GRIK2: variants seen among roughly 807,000 people sequenced by gnomAD.
The protein encoded by GRIK2 is glutamate receptor ionotropic, kainate 2.
A neutral mutation model predicts 100.3 loss-of-function variants in GRIK2; 32 were observed. The ratio of observed to expected loss-of-function variants is 0.32; its 90% CI spans 0.24 to 0.43. The LOEUF (loss-of-function observed/expected upper bound fraction) is 0.43, where lower values mean the gene tolerates loss of function less well. GRIK2 is among the 20% of genes least tolerant of loss of function. GRIK2 has a pLI of 1.00. For synonymous variants in GRIK2, 417 were observed against 389.4 expected, an observed-to-expected ratio of 1.07 and a Z score of -0.83; for missense variants, 843 against 1,114.9, an observed-to-expected ratio of 0.76 and a Z score of 3.47.
intron 2 of GRIK2, among the ~76,000 whole-genome samples, chr6:101,581,255 CAT>C (rs1264091681): frequency 9.6e-4 from 145 of 150,832 alleles, no homozygotes; most frequent in African/African-American, 3.0e-3. Flanking sequence ...TATATATACA[CAT>C]ATATCTACAC....
chr6:102,044,672 A>C (rs1402365029), intron 15 of GRIK2, among the ~76,000 whole-genome samples: 1 of 152,006 alleles, frequency 6.6e-6, no homozygotes, highest in African/African-American at 2.4e-5. Flanking sequence ...TGGGAGAACA[A>C]TTCAAAATGA....
At chr6:102,021,404 A>G (rs1450226716) in intron 14 of GRIK2, among the ~76,000 whole-genome samples, 2 of 147,554 alleles carry the variant, frequency 1.4e-5, no homozygotes, top group African/African-American at 5.1e-5. Flanking sequence ...TATTCTTTAC[A>G]AGATAATTAT....
intron 7 of GRIK2, among the ~76,000 whole-genome samples, chr6:101,730,809 G>T (rs1340562927): frequency 6.8e-6 from 1 of 147,980 alleles, no homozygotes; most frequent in Non-Finnish European, 1.5e-5. Context: ...GCAAGATTCA[G>T]ATTTTTTTTT....
intron 4 of GRIK2, among the ~76,000 whole-genome samples, chr6:101,666,250 G>A (rs956335011): frequency 1.2e-4 from 19 of 152,314 alleles, no homozygotes; most frequent in Admixed American, 2.0e-4. Context: ...GGAGAGGTCC[G>A]TGCCCAGACT....
intron 4 of GRIK2, among the ~76,000 whole-genome samples, chr6:101,628,124 A>T (rs1582852999): frequency 6.6e-6 from 1 of 152,152 alleles, no homozygotes; most frequent in African/African-American, 2.4e-5. Flanking sequence ...AAATTCTCTC[A>T]AAGTATGCCA....
chr6:101,939,703 A>T (rs1790838884), intron 14 of GRIK2, among the ~76,000 whole-genome samples: 1 of 152,126 alleles, frequency 6.6e-6, no homozygotes, highest in African/African-American at 2.4e-5. Context: ...CAAAATCAAC[A>T]TCGTGGGACT....
At chr6:101,493,014 A>T (rs1400401194) in intron 2 of GRIK2, among the ~76,000 whole-genome samples, 2 of 151,980 alleles carry the variant, frequency 1.3e-5, no homozygotes, top group Non-Finnish European at 2.9e-5. Context: ...TTTTGAGGTT[A>T]AGAGCACAAT....
At chr6:101,440,249 A>G (rs1352598069) in intron 2 of GRIK2, among the ~76,000 whole-genome samples, 2 of 152,190 alleles carry the variant, frequency 1.3e-5, no homozygotes, top group Non-Finnish European at 1.5e-5. Flanking sequence ...ATTCAACAGA[A>G]TTAGGTATAA....
At chr6:101,537,559 A>T (rs1317457129) in intron 2 of GRIK2, among the ~76,000 whole-genome samples, 1 of 151,506 alleles carries the variant, frequency 6.6e-6, no homozygotes, top group Admixed American at 6.6e-5. Flanking sequence ...TCTATGTTCC[A>T]GTGTTTGTGG....
intron 2 of GRIK2, among the ~76,000 whole-genome samples, chr6:101,609,144 A>G (rs1159705408): frequency 1.3e-5 from 2 of 151,822 alleles, no homozygotes; most frequent in Non-Finnish European, 2.9e-5. Context: ...TAGATTAGCT[A>G]CATTATCTGC....
intron 14 of GRIK2, among the ~76,000 whole-genome samples, chr6:102,013,647 G>A (rs1164590005): frequency 6.6e-6 from 1 of 152,044 alleles, no homozygotes; most frequent in East Asian, 1.9e-4. Context: ...ATGAAAAGAT[G>A]TTGAATATTA....
chr6:101,579,849 T>TTA (rs1777985894), intron 2 of GRIK2, among the ~76,000 whole-genome samples: 1 of 128,912 alleles, frequency 7.8e-6, no homozygotes, highest in Non-Finnish European at 1.6e-5. Context: ...GACTGTGTCT[T>TTA]AAAAAAAAAA....
chr6:101,910,533 A>G (rs942787709), intron 12 of GRIK2, among the ~76,000 whole-genome samples: 2 of 151,436 alleles, frequency 1.3e-5, no homozygotes, highest in South Asian at 2.1e-4. Flanking sequence ...GCAATGTATA[A>G]TTTTGTGAGG....
intron 4 of GRIK2, among the ~76,000 whole-genome samples, chr6:101,657,150 T>C (rs1769251531): frequency 6.6e-6 from 1 of 152,232 alleles, no homozygotes; most frequent in Non-Finnish European, 1.5e-5. Flanking sequence ...ATAGGCTTTG[T>C]GTCCTCACCC....
chr6:101,896,027 G>C (rs1182191196), intron 12 of GRIK2, among the ~76,000 whole-genome samples: 1 of 151,618 alleles, frequency 6.6e-6, no homozygotes. Flanking sequence ...TATTTCCATA[G>C]TAGATGAGGC....
intron 14 of GRIK2, among the ~76,000 whole-genome samples, chr6:102,017,200 G>T (rs79082402): frequency 0.046 from 6,983 of 152,136 alleles, 252 homozygotes; most frequent in Admixed American, 0.12. Context: ...ACACAAACAA[G>T]TTGGCATAAT....
chr6:101,402,717 G>C (rs1775387560), intron 2 of GRIK2, among the ~76,000 whole-genome samples: 1 of 152,216 alleles, frequency 6.6e-6, no homozygotes, highest in Non-Finnish European at 1.5e-5. Flanking sequence ...GGTCGAGCCA[G>C]ATGTTCTCTG....
intron 2 of GRIK2, among the ~76,000 whole-genome samples, chr6:101,561,389 AG>A (rs993929477): frequency 4.7e-5 from 7 of 150,406 alleles, no homozygotes; most frequent in Non-Finnish European, 7.4e-5. Flanking sequence ...GGAAGAGAGA[AG>A]GGGGGGATGA....
intron 2 of GRIK2, among the ~76,000 whole-genome samples, chr6:101,512,878 A>G (rs1677290769): frequency 6.6e-6 from 1 of 152,066 alleles, no homozygotes; most frequent in African/African-American, 2.4e-5. Context: ...GTTTTGTCAC[A>G]ATATCTTTCC....
Sources: allele counts gnomAD v4.1 joint callset (sites outside exome capture counted in the v4.1 genomes callset), GRCh38; gene constraint gnomAD v4.1.1; transcripts MANE v1.5; gene names NCBI Gene and HGNC (gene_info 2026-07-23, HGNC 2026-07-21).